The following MLH3 variants were observed in gnomAD, a reference collection of about 807,000 sequenced individuals.
MLH3 encodes the protein mutL homolog 3.
In MLH3, 82 loss-of-function variants were observed where a neutral mutation model predicts 122.2. The observed-to-expected ratio is 0.67, with a 90% CI of 0.56 to 0.81. MLH3 has a LOEUF of 0.81. MLH3 is among the 30% of genes least tolerant of loss of function. The pLI is 0.00. For missense variants in MLH3, 1,539 were observed against 1,714.5 expected, an observed-to-expected ratio of 0.90 and a Z score of 1.81; for synonymous variants, 524 against 599.5, an observed-to-expected ratio of 0.87 and a Z score of 1.84.
chr14:75,046,309 A>C, intron 2 of MLH3, 67 bp downstream of exon 2: 4 of 1,490,102 alleles, frequency 2.7e-6, no homozygotes, highest in Non-Finnish European at 3.7e-6. Context: ...GATAATGAGG[A>C]TCTTACTCCT....
chr14:75,021,167 G>A (rs1216023961), intron 11 of MLH3, among the ~76,000 whole-genome samples: 3 of 152,330 alleles, frequency 2.0e-5, no homozygotes, highest in South Asian at 2.1e-4. Context: ...GTAAGCAACC[G>A]CGCCTGGGCG....
intron 5 of MLH3, 46 bp downstream of exon 5, chr14:75,039,865 A>G (rs1367782477): frequency 5.8e-6 from 2 of 344,492 alleles, no homozygotes; most frequent in Non-Finnish European, 1.0e-5. Context: ...ATATATATAT[A>G]TATATATATA....
chr14:75,041,474 G>A, intron 4 of MLH3, 141 bp downstream of exon 4: 1 of 701,622 alleles, frequency 1.4e-6, no homozygotes, highest in Admixed American at 2.2e-5. Flanking sequence ...GCTTGAACCT[G>A]GGAAGCGAAG....
In MLH3 at chr14:75,039,433, C is replaced by T. The variant is rs546753673; in HGVS notation, c.3570+478G>A. Among the ~76,000 whole-genome samples, 4 of 152,264 alleles carry T rather than the reference C, an allele frequency of 2.6e-5. No homozygotes were observed. In the East Asian group the frequency reaches 7.7e-4, roughly 29 times the overall value. Reference sequence around the variant, plus strand: ...CACAAGGCAAAATAGAAAAGCAGATCAGACAAAGGGTCCCTTTTGTGAAAT... The same window carrying T: ...CACAAGGCAAAATAGAAAAGCAGATTAGACAAAGGGTCCCTTTTGTGAAAT... On this transcript the variant is annotated intron_variant, in intron 5 of 12. Coordinates refer to ENST00000355774, the MANE Select transcript of MLH3 (RefSeq NM_001040108.2).
In MLH3 at chr14:75,033,399, G is replaced by C. The variant is rs1247644455; in HGVS notation, c.3715+20C>G. On this transcript the variant is annotated intron_variant, in intron 7 of 12. Transcript: ENST00000355774. ...CTGCTGGGAGTCTCAAATTTTTTCT[G>C]GCTGCAAACAGATCCTTACCAATGA... is the stretch of plus-strand genomic sequence containing the variant. 6.2e-7 allele frequency: 1 copy of C among 1,611,990 alleles called. No individual in the cohort carries two copies. The highest frequency in any genetic ancestry group is 1.7e-5 in the Admixed American group (1 of 59,966).
At chr14:75,038,038 T>G (rs1891541088) in intron 6 of MLH3, among the ~76,000 whole-genome samples, 1 of 152,194 alleles carries the variant, frequency 6.6e-6, no homozygotes, top group South Asian at 2.1e-4. Context: ...TAGCTGGGAC[T>G]ACAGGTGCAC....
Position 75,033,496 on chromosome 14 carries a change from T to A in MLH3, c.3644-6A>T. Reference sequence around the variant, plus strand: ...CAGCACGAGCAGGTTCCCACCTAGATGAGCAAGGATTGTGAACTTTGATTC... The same window carrying A: ...CAGCACGAGCAGGTTCCCACCTAGAAGAGCAAGGATTGTGAACTTTGATTC... On this transcript the variant is annotated splice_polypyrimidine_tract_variant and splice_region_variant and intron_variant, in intron 6 of 12. Coordinates refer to ENST00000355774, the MANE Select transcript of MLH3 (RefSeq NM_001040108.2). 1 of 1,612,266 alleles carries A rather than the reference T, an allele frequency of 6.2e-7. No individual in the cohort carries two copies. The highest frequency in any genetic ancestry group is 8.5e-7 in the Non-Finnish European group (1 of 1,178,418).
intron 4 of MLH3, among the ~76,000 whole-genome samples, chr14:75,040,720 G>A (rs902775156): frequency 3.3e-5 from 5 of 152,004 alleles, no homozygotes; most frequent in South Asian, 2.1e-4. Flanking sequence ...ACATCCATGC[G>A]GGGCCAATGA....
chr14:75,022,771 TGCA>T, intron 11 of MLH3, 40 bp downstream of exon 11: 2 of 1,565,208 alleles, frequency 1.3e-6, no homozygotes, highest in Non-Finnish European at 1.8e-6. Flanking sequence ...GCCAGGGCTC[TGCA>T]TGCAGAGGTG....
Position 75,013,859 on chromosome 14 carries a change from C to A in MLH3, c.*3223G>T, listed in dbSNP as rs1361626994. 9.1e-6 allele frequency: 2 copies of A among 220,536 alleles called. No homozygotes were observed. The highest frequency in any genetic ancestry group is 1.8e-5 in the Non-Finnish European group (2 of 110,180). The allele number at this position is 220,536 out of a possible 1,614,324, so 13.7% of individuals were successfully genotyped here. A position where few individuals can be genotyped will look rare whatever the true frequency, so the allele number is the denominator to read the frequency against. On this transcript the variant is annotated 3_prime_UTR_variant, in exon 13 of 13. Transcript: ENST00000355774. Reference sequence around the variant, plus strand: ...TTCTTTTCCCCTCTTCTGGACCCACCTTTTTGCCATCTCACCGTTGATGAG... The same window carrying A: ...TTCTTTTCCCCTCTTCTGGACCCACATTTTTGCCATCTCACCGTTGATGAG...
In MLH3 at chr14:75,048,269, T is replaced by C. The variant is rs138974583; in HGVS notation, c.1387A>G (p.Ser463Gly). 4.3e-6 allele frequency: 7 copies of C among 1,614,044 alleles called. No homozygotes were observed. In the African/African-American group the frequency reaches 8.0e-5, roughly 18 times the overall value. Residue 463 changes from serine (S) to glycine (G), a missense_variant, in exon 2 of 13, where the codon AGC (serine) becomes GGC (glycine). Ser to Gly is a moderately conservative substitution (Grantham distance 56, BLOSUM62 0). Coordinates refer to ENST00000355774, the MANE Select transcript of MLH3 (RefSeq NM_001040108.2). ...MTEPSLQNKD[S>G]SCSESKMLEQ... ...AACATCTTTGATTCTGAGCAAGAGC[T>C]GTCTTTGTTTTGTAAAGATGGCTCT...
intron 4 of MLH3, among the ~76,000 whole-genome samples, chr14:75,040,308 G>A (rs1891748359): frequency 6.6e-6 from 1 of 151,486 alleles, no homozygotes; most frequent in Non-Finnish European, 1.5e-5. Flanking sequence ...AAATTAGCTG[G>A]GCGTGGCGGC....
At chr14:75,018,018 G>A (rs922471125) in intron 12 of MLH3, among the ~76,000 whole-genome samples, 18 of 152,088 alleles carry the variant, frequency 1.2e-4, no homozygotes, top group African/African-American at 4.3e-4. Context: ...GGTGGCGCAT[G>A]CCTGTAATCC....
chr14:75,045,500 T>C (rs1392243546), intron 2 of MLH3, among the ~76,000 whole-genome samples: 1 of 152,184 alleles, frequency 6.6e-6, no homozygotes, highest in Admixed American at 6.5e-5. Flanking sequence ...TCCTACTTTC[T>C]AGAAAGAAAA....
At chr14:75,029,132 G>A (rs1161647621) in intron 9 of MLH3, among the ~76,000 whole-genome samples, 9 of 11,708 alleles carry the variant, frequency 7.7e-4, no homozygotes, top group African/African-American at 1.9e-3. Context: ...CCTGGGCATC[G>A]CAAAAAAAAA....
In MLH3 at chr14:75,038,428, A is replaced by G. The variant is rs1891573028; in HGVS notation, c.3571-16T>C. ...GCTGGAGAACCTGTCAGACATTCAAATAAGTGGTACAACACTAAATAAAAA... is the reference window on the plus strand; with the variant it reads ...GCTGGAGAACCTGTCAGACATTCAAGTAAGTGGTACAACACTAAATAAAAA... On this transcript the variant is annotated splice_polypyrimidine_tract_variant and intron_variant, in intron 5 of 12. Coordinates refer to ENST00000355774, the MANE Select transcript of MLH3 (RefSeq NM_001040108.2). 2 of 1,531,750 alleles carry G rather than the reference A, an allele frequency of 1.3e-6. No homozygotes were observed. The highest frequency in any genetic ancestry group is 1.4e-5 in the African/African-American group (1 of 73,444). 94.9% of individuals were successfully genotyped at this position (1,531,750 alleles called of 1,614,324 possible). A position where few individuals can be genotyped will look rare whatever the true frequency, so the allele number is the denominator to read the frequency against.
At chr14:75,040,655 T>C (rs906327769) in intron 4 of MLH3, among the ~76,000 whole-genome samples, 3 of 152,106 alleles carry the variant, frequency 2.0e-5, no homozygotes, top group Non-Finnish European at 2.9e-5. Context: ...TCATCTATTA[T>C]ACACCCTGTT....
rs771471412 is a variant in MLH3, at chr14:75,048,978, T to TA, written c.677dup (p.Ser227LysfsTer3). ...GCTCAAACTCTTTATATTTAAAACT[T>TA]ATTTCTCTTAGCTTTTGGGACTTTC... On this transcript the variant is annotated frameshift_variant, in exon 2 of 13. Transcript: ENST00000355774. LOFTEE classifies it high-confidence loss of function. 6.2e-7 allele frequency: 1 copy of TA among 1,613,838 alleles called. No individual in the cohort carries two copies. Among genetic ancestry groups the TA allele is most frequent in the South Asian group, 1.1e-5 (1 of 90,970 alleles).
In MLH3 at chr14:75,016,586, A is replaced by G. The variant is rs1463687232; in HGVS notation, c.*496T>C. ...TTTAAGTCTGAGATGTAGCACATGA[A>G]GCAGCAGCATAGGGAAGTGAAGAAG... On this transcript the variant is annotated 3_prime_UTR_variant, in exon 13 of 13. Coordinates refer to ENST00000355774, the MANE Select transcript of MLH3 (RefSeq NM_001040108.2). 9.2e-6 allele frequency: 2 copies of G among 217,760 alleles called. No homozygotes were observed. The highest frequency in any genetic ancestry group is 5.1e-5 in the Admixed American group (1 of 19,430). The allele number at this position is 217,760 out of a possible 1,614,324, so 13.5% of individuals were successfully genotyped here.
Sources: gnomAD v4.1 joint callset for allele counts (sites outside exome capture counted in the v4.1 genomes callset) on GRCh38, gnomAD v4.1.1 for gene constraint, MANE v1.5 for transcripts, NCBI Gene and HGNC (gene_info 2026-07-23, HGNC 2026-07-21) for gene names.